Variants in RHOA observed in about 807,000 individuals in gnomAD.
The protein encoded by RHOA is ras homolog family member A.
A neutral mutation model predicts 17.5 loss-of-function variants in RHOA; 3 were observed. The ratio of observed to expected loss-of-function variants is 0.17; its 90% CI spans 0.08 to 0.44. The LOEUF (loss-of-function observed/expected upper bound fraction) is 0.44, where lower values mean the gene tolerates loss of function less well. Ranked by LOEUF, RHOA falls within the 20% of genes least tolerant of loss-of-function variation. The pLI, the probability that RHOA is intolerant of heterozygous loss-of-function variation, is 0.99. For synonymous variants in RHOA, 98 were observed against 88.4 expected (o/e 1.11, Z -0.61); for missense variants, 56 against 242.3 (o/e 0.23, Z 5.10).
chr3:49,368,054 C>T (rs1481690375), intron 3 of RHOA, among the ~76,000 whole-genome samples: 2 of 151,856 alleles, frequency 1.3e-5, no homozygotes, highest in Admixed American at 6.6e-5. Flanking sequence ...GGACTACAGG[C>T]GTGCACCACC....
chr3:49,401,943 C>G (rs2048730162), intron 1 of RHOA, among the ~76,000 whole-genome samples: 1 of 152,286 alleles, frequency 6.6e-6, no homozygotes, highest in South Asian at 2.1e-4. Context: ...GGCTGCCAAG[C>G]TCTTAGTTCA....
chr3:49,361,963 A>AG (rs2047979289), intron 4 of RHOA, among the ~76,000 whole-genome samples: 1 of 152,096 alleles, frequency 6.6e-6, no homozygotes, highest in South Asian at 2.1e-4. Context: ...AAAAGTGGGC[A>AG]GATCACTTGA....
At chr3:49,408,795 CTTTTTT>C (rs113298712) in intron 1 of RHOA, among the ~76,000 whole-genome samples, 1 of 142,866 alleles carries the variant, frequency 7.0e-6, no homozygotes, top group African/African-American at 2.6e-5. Context: ...ACTTAAGATC[CTTTTTT>C]TTTTTTTTTG....
rs1393293124 is a variant in RHOA at position 49,407,726 on chromosome 3, G to A, written c.-3+4094C>T. The stretch of plus-strand genomic sequence containing the variant: ...CCAAAGAATTTCCCATGTCCTAAAG[G>A]CCCTATATGATTTGGCCCCTGCCCA... On this transcript the variant is annotated intron_variant, in intron 1 of 4. Coordinates refer to ENST00000418115, the MANE Select transcript of RHOA (RefSeq NM_001664.4). Among the ~76,000 whole-genome samples the A allele has an allele frequency of 4.6e-5, 7 of 151,680 alleles. No homozygotes were observed. The East Asian group carries it at 1.4e-3, about 29-fold the overall frequency.
At chr3:49,411,287 C>G (rs1414766890) in intron 1 of RHOA, among the ~76,000 whole-genome samples, 1 of 152,242 alleles carries the variant, frequency 6.6e-6, no homozygotes, top group Admixed American at 6.5e-5. Context: ...CTTACTTACA[C>G]AGTCTCCAAC....
rs372868120 is a variant in RHOA at position 49,368,471 on chromosome 3, A to T, written c.234T>A (p.Asp78Glu). 1 of 1,613,930 alleles carries T rather than the reference A, an allele frequency of 6.2e-7. No individual in the cohort carries two copies. The highest frequency in any genetic ancestry group is 8.5e-7 in the Non-Finnish European group (1 of 1,179,996). The change falls in exon 3 of 5, where the codon GAT becomes GAA. Residue 78 changes from aspartate (D) to glutamate (E), a missense_variant. Asp to Glu is a conservative substitution (Grantham distance 45). Around this residue, in one of 2 missense-constraint regions of RHOA, gnomAD observed 17 missense variants for 156.3 expected, o/e 0.11. Transcript: ENST00000418115. ...CGATGGAAAAACACATCAGTATAAC[A>T]TCGGTATCTGGGTAGGAGAGGGGCC... is the stretch of plus-strand genomic sequence containing the variant. ...RLRPLSYPDT[D>E]VILMCFSIDS...
At chr3:49,406,669 C>G (rs528836105) in intron 1 of RHOA, 1 of 151,958 alleles carries the variant, frequency 6.6e-6, no homozygotes, top group Non-Finnish European at 1.5e-5. Context: ...CACCTGTAAT[C>G]GAGCTAGTGG....
chr3:49,360,932 G>A (rs1350891151), intron 4 of RHOA: 2 of 373,062 alleles, frequency 5.4e-6, no homozygotes, highest in African/African-American at 4.4e-5. Flanking sequence ...AATCACCTGG[G>A]TGTGGTAGTG....
chr3:49,383,441 T>C (rs1046452668), intron 1 of RHOA, among the ~76,000 whole-genome samples: 7 of 150,834 alleles, frequency 4.6e-5, no homozygotes, highest in African/African-American at 1.5e-4. Flanking sequence ...AAAAGAGCTA[T>C]CTTTGCTTTG....
chr3:49,362,945 G>C (rs2107831085), intron 3 of RHOA, among the ~76,000 whole-genome samples: 1 of 152,298 alleles, frequency 6.6e-6, no homozygotes, highest in African/African-American at 2.4e-5. Flanking sequence ...GCCCCACAAA[G>C]GCAGGCACTT....
chr3:49,368,697 TTTC>T (rs1251965460), intron 2 of RHOA, 149 bp from the exon 3 acceptor site: 45 of 779,530 alleles, frequency 5.8e-5, no homozygotes, highest in Middle Eastern at 2.4e-4. Flanking sequence ...ATTTACATTT[TTTC>T]TTTTTTCTTT....
chr3:49,385,509 C>T (rs1372142337), intron 1 of RHOA, among the ~76,000 whole-genome samples: 2 of 152,068 alleles, frequency 1.3e-5, no homozygotes, highest in Non-Finnish European at 2.9e-5. Flanking sequence ...AGCCACCGCA[C>T]CCAGCCCCCA....
At position 49,360,183 on chromosome 3, in the gene RHOA, A is replaced by C. The variant is rs368143471; in HGVS notation, c.*26T>G. 7 of 1,608,248 alleles carry C rather than the reference A, an allele frequency of 4.4e-6. No individual in the cohort carries two copies. The highest frequency in any genetic ancestry group is 4.2e-6 in the Non-Finnish European group (5 of 1,177,820). On this transcript the variant is annotated 3_prime_UTR_variant, in exon 5 of 5. Coordinates refer to ENST00000418115, the MANE Select transcript of RHOA (RefSeq NM_001664.4). The stretch of plus-strand genomic sequence containing the variant: ...TAAACAGCACTTCAAAATTAACCGC[A>C]TAAGGGCTGTGCTTGCAGCAAGGTT...
At chr3:49,404,865 G>C (rs1489426783) in intron 1 of RHOA, among the ~76,000 whole-genome samples, 1 of 151,626 alleles carries the variant, frequency 6.6e-6, no homozygotes, top group Non-Finnish European at 1.5e-5. Context: ...CATGAACCCG[G>C]GAGGCAGAGT....
intron 1 of RHOA, among the ~76,000 whole-genome samples, chr3:49,392,648 A>G (rs1017802723): frequency 6.6e-6 from 1 of 152,122 alleles, no homozygotes; most frequent in African/African-American, 2.4e-5. Context: ...CACTTGGCCT[A>G]AAATTTTTCA....
At chr3:49,366,255 C>T (rs1210771426) in intron 3 of RHOA, among the ~76,000 whole-genome samples, 1 of 152,116 alleles carries the variant, frequency 6.6e-6, no homozygotes, top group Admixed American at 6.6e-5. Flanking sequence ...TAAAGCTCTG[C>T]CCAGCCTCCA....
At chr3:49,373,886 C>A (rs991177790) in intron 2 of RHOA, among the ~76,000 whole-genome samples, 20 of 146,860 alleles carry the variant, frequency 1.4e-4, no homozygotes, top group South Asian at 4.3e-4. Context: ...AAAAAAAAAA[C>A]AAAAACAAAC....
At chr3:49,382,183 G>A (rs966089885) in intron 1 of RHOA, among the ~76,000 whole-genome samples, 1 of 151,840 alleles carries the variant, frequency 6.6e-6, no homozygotes, top group Admixed American at 6.6e-5. Context: ...GCCAGGCGTC[G>A]TGAAGGGCGC....
At chr3:49,360,468 T>C (rs2047946700) in intron 4 of RHOA, 86 bp from the exon 5 acceptor site, 2 of 1,358,404 alleles carry the variant, frequency 1.5e-6, no homozygotes, top group Non-Finnish European at 9.8e-7. Context: ...ATCTAAAAGA[T>C]TTTTTTTTCT....
Sources: allele counts gnomAD v4.1 joint callset (sites outside exome capture counted in the v4.1 genomes callset), GRCh38; gene constraint gnomAD v4.1.1; regional missense constraint gnomAD v4.1.1; transcripts MANE v1.5; gene names NCBI Gene and HGNC (gene_info 2026-07-23, HGNC 2026-07-21).